KIRREL1: variants seen among roughly 807,000 people sequenced by gnomAD.
KIRREL1 encodes kin of IRRE-like protein 1.
A neutral mutation model predicts 83.3 loss-of-function variants in KIRREL1; 25 were observed. The observed-to-expected ratio is 0.30, with a 90% confidence interval of 0.22 to 0.42. KIRREL1 has a LOEUF of 0.42. Ranked by LOEUF, KIRREL1 falls within the 10% of genes least tolerant of loss-of-function variation. The probability of loss-of-function intolerance (pLI) is 1.00; values close to 1 mark genes in which losing one functional copy is unlikely to be tolerated. For synonymous variants in KIRREL1, 388 were observed against 410.4 expected, an observed-to-expected ratio of 0.95 and a Z score of 0.66; for missense variants, 812 against 1,032.3, an observed-to-expected ratio of 0.79 and a Z score of 2.92.
At chr1:158,057,461 G>T (rs1304421470) in intron 1 of KIRREL1, among the ~76,000 whole-genome samples, 1 of 152,072 alleles carries the variant, frequency 6.6e-6, no homozygotes, top group Non-Finnish European at 1.5e-5. Flanking sequence ...TGTCTCCAGG[G>T]CTTTTCACAG....
At chr1:158,059,809 G>A (rs550951039) in intron 1 of KIRREL1, among the ~76,000 whole-genome samples, 88 of 152,190 alleles carry the variant, frequency 5.8e-4, no homozygotes, top group African/African-American at 2.0e-3. Flanking sequence ...GCTGTACCTG[G>A]CTCTGAGGGG....
chr1:158,076,990 C>T (rs1443450068), intron 2 of KIRREL1, among the ~76,000 whole-genome samples: 1 of 152,226 alleles, frequency 6.6e-6, no homozygotes, highest in Admixed American at 6.5e-5. Flanking sequence ...CCTTCATTTA[C>T]TGTGTGAAGC....
At chr1:158,030,614 G>A (rs966939578) in intron 1 of KIRREL1, 1 of 152,338 alleles carries the variant, frequency 6.6e-6, no homozygotes, top group East Asian at 1.9e-4. Flanking sequence ...GTTAAATGGG[G>A]TTGGTATTCT....
intron 3 of KIRREL1, among the ~76,000 whole-genome samples, chr1:158,081,538 T>C (rs1462352555): frequency 6.6e-6 from 1 of 152,188 alleles, no homozygotes; most frequent in Non-Finnish European, 1.5e-5. Flanking sequence ...GAGGCTTTTT[T>C]GACCACAGAC....
At chr1:158,039,889 G>A (rs1200057684) in intron 1 of KIRREL1, among the ~76,000 whole-genome samples, 1 of 152,156 alleles carries the variant, frequency 6.6e-6, no homozygotes, top group Non-Finnish European at 1.5e-5. Flanking sequence ...GCCACCTCTG[G>A]GCGTTGTTGT....
intron 1 of KIRREL1, among the ~76,000 whole-genome samples, chr1:158,044,074 G>A (rs1244600384): frequency 6.6e-6 from 1 of 152,204 alleles, no homozygotes; most frequent in Non-Finnish European, 1.5e-5. Context: ...ATGTGAACTG[G>A]ATGCCAACCG....
chr1:158,007,632 G>T lies in KIRREL1; in HGVS notation c.52+13904G>T, dbSNP rs1043471223. Among the ~76,000 whole-genome samples, 30 of 152,098 alleles carry T rather than the reference G, an allele frequency of 2.0e-4. 1 individual carries two copies. The highest frequency in any genetic ancestry group is 6.5e-4 in the African/African-American group (27 of 41,404). ...GAAGAAGAGCTCGTGTGTCTGGGGGGAGAGTGCAGCATGGGCAGCCTGTCC... is the reference window on the plus strand; with the variant it reads ...GAAGAAGAGCTCGTGTGTCTGGGGGTAGAGTGCAGCATGGGCAGCCTGTCC... On this transcript the variant is annotated intron_variant, in intron 1 of 14. Transcript: ENST00000359209.
rs370156588 is a variant in KIRREL1, at chr1:158,020,600, C to CAAAAAAAA, written c.52+26887_52+26894dup. On this transcript the variant is annotated intron_variant, in intron 1 of 14. Transcript: ENST00000359209. ...GCAGAATGACTGCCATACAGTAAATCAAAAAAAAAAAAAAAAAAAAAAGCC... is the reference window on the plus strand; with the variant it reads ...GCAGAATGACTGCCATACAGTAAATCAAAAAAAAAAAAAAAAAAAAAAAAAAAAAAGCC... Among the ~76,000 whole-genome samples the CAAAAAAAA allele has an allele frequency of 1.0e-3, 84 of 83,646 alleles. 8 individuals carry two copies. Among genetic ancestry groups the CAAAAAAAA allele is most frequent in the African/African-American group, 1.5e-3 (33 of 21,346 alleles). 54.9% of individuals were successfully genotyped at this position (83,646 alleles called of 152,430 possible).
intron 1 of KIRREL1, among the ~76,000 whole-genome samples, chr1:158,074,443 G>C (rs890234020): frequency 3.9e-5 from 6 of 152,168 alleles, no homozygotes; most frequent in African/African-American, 1.2e-4. Flanking sequence ...AGATTCAGAT[G>C]GGGGAGAGAG....
At chr1:158,006,631 T>C (rs1405550769) in intron 1 of KIRREL1, among the ~76,000 whole-genome samples, 2 of 152,178 alleles carry the variant, frequency 1.3e-5, no homozygotes, top group African/African-American at 4.8e-5. Context: ...GAGAATGATG[T>C]TCACAAGAAC....
intron 1 of KIRREL1, among the ~76,000 whole-genome samples, chr1:158,075,865 A>G (rs11264899): frequency 0.66 from 100,436 of 152,050 alleles, 33,638 homozygotes; most frequent in East Asian, 0.75. Flanking sequence ...ACAGTGCACT[A>G]TTTTCTGTGA....
intron 1 of KIRREL1, among the ~76,000 whole-genome samples, chr1:158,066,385 G>C (rs957771381): frequency 2.6e-5 from 4 of 152,082 alleles, no homozygotes; most frequent in African/African-American, 9.7e-5. Context: ...TTCCTCACCT[G>C]ACCTTAAAAC....
In KIRREL1 at chr1:158,094,658, C is replaced by T; in HGVS notation, c.1812C>T (p.Gly604=). Residue 604 remains glycine, a synonymous_variant, in exon 15 of 15, where the codon GGC becomes GGT. Transcript: ENST00000359209. The surrounding 1 kb of genome is among the most constrained non-coding windows in gnomAD (Gnocchi z 4.6). The stretch of plus-strand genomic sequence containing the variant: ...ATTGCCCCCAGGACCCCACCAATGG[C>T]TACTACAACGTGCGTGCCCATGAAG... ...EEYEMKDPTN[G]YYNVRAHEDR... 6.2e-7 allele frequency: 1 copy of T among 1,600,414 alleles called. No homozygotes were observed. Among genetic ancestry groups the T allele is most frequent in the Non-Finnish European group, 8.5e-7 (1 of 1,175,472 alleles).
chr1:158,057,595 G>A (rs1200920090), intron 1 of KIRREL1, among the ~76,000 whole-genome samples: 2 of 152,060 alleles, frequency 1.3e-5, no homozygotes, highest in Non-Finnish European at 2.9e-5. Flanking sequence ...AGGCCTCCTA[G>A]GATGATCTGA....
intron 1 of KIRREL1, among the ~76,000 whole-genome samples, chr1:158,050,166 G>A (rs938056303): frequency 3.3e-5 from 5 of 152,080 alleles, no homozygotes; most frequent in African/African-American, 1.2e-4. Flanking sequence ...GAATTTCTGG[G>A]TTCCAGGGAC....
intron 11 of KIRREL1, among the ~76,000 whole-genome samples, chr1:158,092,998 C>T (rs756718264): frequency 3.3e-5 from 5 of 152,028 alleles, no homozygotes; most frequent in Non-Finnish European, 5.9e-5. Flanking sequence ...CAAAGAAGAG[C>T]GAGGGGCCAA....
At chr1:157,999,150 C>G (rs1238419913) in intron 1 of KIRREL1, among the ~76,000 whole-genome samples, 2 of 152,178 alleles carry the variant, frequency 1.3e-5, no homozygotes, top group Non-Finnish European at 2.9e-5. Flanking sequence ...CAGCCCCCTT[C>G]CCTAGTTCTC....
intron 1 of KIRREL1, among the ~76,000 whole-genome samples, chr1:158,033,177 T>C (rs1275585114): frequency 1.3e-5 from 2 of 152,172 alleles, no homozygotes; most frequent in Non-Finnish European, 2.9e-5. Flanking sequence ...GTTCAAGCGA[T>C]TCTCCTGCCT....
chr1:158,094,825 A>G lies in KIRREL1; in HGVS notation c.1979A>G (p.Asp660Gly). ...LNTYSRGPASDYGPEPTPPGP... is the reference protein window; with the variant it reads ...LNTYSRGPASGYGPEPTPPGP... ...ACCTATAGCCGGGGCCCTGCCTCTG[A>G]CTATGGCCCTGAGCCCACACCCCCT... The change falls in exon 15 of 15, where the codon GAC (aspartate) becomes GGC (glycine). Residue 660 changes from aspartate (D) to glycine (G), a missense_variant. By Grantham distance (94) the Asp-to-Gly change is moderately conservative. This residue lies in a region of KIRREL1 where 334 missense variants were observed against 383.7 expected (regional missense o/e 0.87). Coordinates refer to ENST00000359209, the MANE Select transcript of KIRREL1 (RefSeq NM_018240.7). This position sits in a 1 kb window ranked among gnomAD's most constrained non-coding sequence, Gnocchi z 4.6. 6 of 1,613,874 alleles carry G rather than the reference A, an allele frequency of 3.7e-6. No homozygotes were observed. Among genetic ancestry groups the G allele is most frequent in the Non-Finnish European group, 5.1e-6 (6 of 1,179,934 alleles).
Sources: gnomAD v4.1 joint callset for allele counts (sites outside exome capture counted in the v4.1 genomes callset) on GRCh38, gnomAD v4.1.1 for gene constraint, gnomAD v4.1.1 regional missense constraint, Gnocchi (gnomAD v3.1) non-coding constraint, MANE v1.5 for transcripts, NCBI Gene and HGNC (gene_info 2026-07-23, HGNC 2026-07-21) for gene names.